The following DDIAS variants were observed in gnomAD, a reference collection of about 807,000 sequenced individuals.
DDIAS encodes DNA damage-induced apoptosis suppressor protein.
Under a neutral mutation model 15.7 loss-of-function variants are expected in DDIAS, and 14 were observed. The ratio of observed to expected loss-of-function variants is 0.89; its 90% confidence interval spans 0.59 to 1.39. The LOEUF (loss-of-function observed/expected upper bound fraction) is 1.39, where lower values mean the gene tolerates loss of function less well. DDIAS is among the 40% of genes most tolerant of loss of function. The probability of loss-of-function intolerance (pLI) is 0.00; values close to 1 mark genes in which losing one functional copy is unlikely to be tolerated. For missense variants in DDIAS, 1,035 were observed against 1,130.9 expected, an observed-to-expected ratio of 0.92 and a Z score of 1.22; for synonymous variants, 355 against 395.9, an observed-to-expected ratio of 0.90 and a Z score of 1.23.
intron 2 of DDIAS, chr11:82,913,761 A>T (rs1397043907): frequency 2.3e-6 from 1 of 425,960 alleles, no homozygotes; most frequent in East Asian, 7.1e-5. Flanking sequence ...GTTCATGTAC[A>T]CATTGAATAT....
At chr11:82,918,017 G>T (rs919385229) in intron 3 of DDIAS, among the ~76,000 whole-genome samples, 1 of 152,118 alleles carries the variant, frequency 6.6e-6, no homozygotes, top group African/African-American at 2.4e-5. Context: ...TGAGTTCGTT[G>T]TAGATTCTGG....
chr11:82,921,186 ATAGC>A (rs1289817849), intron 3 of DDIAS, among the ~76,000 whole-genome samples: 12 of 152,208 alleles, frequency 7.9e-5, no homozygotes, highest in African/African-American at 2.9e-4. Flanking sequence ...TAATATAAAA[ATAGC>A]TACCCCTGCT....
intron 3 of DDIAS, among the ~76,000 whole-genome samples, chr11:82,921,589 T>G (rs1029548990): frequency 8.3e-5 from 12 of 145,330 alleles, no homozygotes; most frequent in African/African-American, 3.0e-4. Flanking sequence ...TTTTTTTTTT[T>G]TTTTTTGAGA....
chr11:82,927,842 C>T (rs1189503816), intron 3 of DDIAS, among the ~76,000 whole-genome samples: 2 of 151,738 alleles, frequency 1.3e-5, no homozygotes, highest in South Asian at 2.1e-4. Flanking sequence ...TGCACTAGAC[C>T]CTTTATTTGT....
chr11:82,925,261 G>A lies in DDIAS; in HGVS notation c.114-3516G>A, dbSNP rs142985568. ...GAATTAATATTTTTTTGATTTCTCA[G>A]TTTTAATTTCTCACTTTCATTTAAT... On this transcript the variant is annotated intron_variant, in intron 3 of 5. Transcript: ENST00000533655. Among the ~76,000 whole-genome samples, 90 of 152,264 alleles carry A rather than the reference G, an allele frequency of 5.9e-4. 1 individual carries two copies. In the East Asian group the frequency reaches 0.015, roughly 25 times the overall value.
intron 3 of DDIAS, 47 bp downstream of exon 3, chr11:82,914,898 C>A: frequency 7.9e-7 from 1 of 1,266,504 alleles, no homozygotes; most frequent in Non-Finnish European, 1.1e-6. Context: ...CAAATGCACA[C>A]TGTAGATTTC....
intron 5 of DDIAS, among the ~76,000 whole-genome samples, chr11:82,931,492 C>T (rs1057079761): frequency 6.6e-6 from 1 of 152,038 alleles, no homozygotes. Context: ...GCTGAGACTA[C>T]AGGCACACGC....
At chr11:82,921,913 G>A (rs1265926747) in intron 3 of DDIAS, among the ~76,000 whole-genome samples, 2 of 152,120 alleles carry the variant, frequency 1.3e-5, no homozygotes, top group Non-Finnish European at 2.9e-5. Context: ...GGTAGTAGCA[G>A]ATTCTCTCAG....
In DDIAS at chr11:82,913,340, T is replaced by C. The variant is rs908273830; in HGVS notation, c.-63T>C. On this transcript the variant is annotated 5_prime_UTR_variant, in exon 2 of 6. An upstream start codon of the reference 5' UTR is lost. Coordinates refer to ENST00000533655, the MANE Select transcript of DDIAS (RefSeq NM_145018.4). ...GCCATGGCATCATCATAGCTCACTATGGCCTTGATCCTCCTGCCTTAGCCT... is the reference window on the plus strand; with the variant it reads ...GCCATGGCATCATCATAGCTCACTACGGCCTTGATCCTCCTGCCTTAGCCT... The C allele has an allele frequency of 6.1e-6, 1 of 163,686 alleles. No individual in the cohort carries two copies. Among genetic ancestry groups the C allele is most frequent in the Non-Finnish European group, 1.3e-5 (1 of 75,604 alleles). The allele number at this position is 163,686 out of a possible 1,614,324, so 10.1% of individuals were successfully genotyped here.
intron 3 of DDIAS, among the ~76,000 whole-genome samples, chr11:82,925,145 C>T (rs1360536951): frequency 6.6e-6 from 1 of 152,142 alleles, no homozygotes; most frequent in African/African-American, 2.4e-5. Flanking sequence ...ATGCTGGTCT[C>T]TTCTTACTAA....
At chr11:82,926,814 T>G (rs542933664) in intron 3 of DDIAS, among the ~76,000 whole-genome samples, 13 of 152,308 alleles carry the variant, frequency 8.5e-5, no homozygotes, top group Non-Finnish European at 1.6e-4. Flanking sequence ...CTAAAAGGAT[T>G]AAAGAAAACT....
At chr11:82,913,640 T>C in intron 2 of DDIAS, 1 of 401,350 alleles carries the variant, frequency 2.5e-6, no homozygotes, top group Non-Finnish European at 4.8e-6. Context: ...CTGAAGTCTT[T>C]TTTTTCTCTT....
intron 3 of DDIAS, among the ~76,000 whole-genome samples, chr11:82,928,177 CTTTTTTTTTTTTTTTTTTTTTTTTTTTT>C (rs541845327): frequency 5.9e-5 from 2 of 34,172 alleles, no homozygotes; most frequent in Admixed American, 4.4e-4. Flanking sequence ...TTTTTGTCCT[CTTTTTTTTTTTTTTTTTTTTTTTTTTTT>C]TTTTTTTTTT....
At chr11:82,912,635 C>A (rs1425673451) in intron 1 of DDIAS, among the ~76,000 whole-genome samples, 3 of 152,182 alleles carry the variant, frequency 2.0e-5, no homozygotes, top group African/African-American at 7.2e-5. Context: ...AACAAAAAGG[C>A]TGTTTTACAT....
intron 3 of DDIAS, among the ~76,000 whole-genome samples, chr11:82,927,985 T>C (rs1381607330): frequency 6.6e-6 from 1 of 152,168 alleles, no homozygotes; most frequent in Non-Finnish European, 1.5e-5. Context: ...AGAAAGCCTT[T>C]AGCCACCATT....
rs780356770 is a variant in DDIAS at position 82,931,921 on chromosome 11, T to G, written c.583T>G (p.Cys195Gly). 1.2e-6 allele frequency: 2 copies of G among 1,614,180 alleles called. No individual in the cohort carries two copies. Among genetic ancestry groups the G allele is most frequent in the Non-Finnish European group, 1.7e-6 (2 of 1,180,020 alleles). The change falls in exon 6 of 6, where the codon TGT (cysteine) becomes GGT (glycine). Residue 195 changes from cysteine (C) to glycine (G), a missense_variant. Coordinates refer to ENST00000533655, the MANE Select transcript of DDIAS (RefSeq NM_145018.4). ...GACTTTTAATTTCAGGAAACTTCAG[T>G]GTGACTCTCAGGCACCTAACAATCA... ...LQTFNFRKLQ[C>G]DSQAPNNHLL... is the part of the protein sequence containing the mutation.
intron 1 of DDIAS, among the ~76,000 whole-genome samples, chr11:82,902,665 A>G (rs185084284): frequency 5.3e-5 from 8 of 152,242 alleles, no homozygotes; most frequent in African/African-American, 1.7e-4. Flanking sequence ...GAAGTGCACT[A>G]TCCTCCTTCT....
intron 2 of DDIAS, among the ~76,000 whole-genome samples, chr11:82,914,376 G>A (rs774302450): frequency 2.0e-5 from 3 of 152,154 alleles, no homozygotes; most frequent in Non-Finnish European, 2.9e-5. Flanking sequence ...ATGCTCAACC[G>A]GTAGTTTCCT....
chr11:82,920,498 G>C (rs1467713861), intron 3 of DDIAS, among the ~76,000 whole-genome samples: 1 of 152,116 alleles, frequency 6.6e-6, no homozygotes, highest in East Asian at 1.9e-4. Flanking sequence ...CAGTCTTTTT[G>C]ATGTAGGCAT....
Sources: allele counts gnomAD v4.1 joint callset (sites outside exome capture counted in the v4.1 genomes callset), GRCh38; gene constraint gnomAD v4.1.1; transcripts MANE v1.5; gene names NCBI Gene and HGNC (gene_info 2026-07-23, HGNC 2026-07-21).